The following SH3D19 variants were observed in gnomAD, a reference collection of about 807,000 sequenced individuals.
SH3D19 encodes the protein SH3 domain containing 19.
SH3D19 carries 58 observed loss-of-function variants against 112.1 expected under a neutral mutation model. The ratio of observed to expected loss-of-function variants is 0.52; its 90% CI spans 0.42 to 0.64. SH3D19 has a LOEUF of 0.64. Ranked by LOEUF, SH3D19 falls within the 30% of genes least tolerant of loss-of-function variation. The pLI is 0.00. For missense variants in SH3D19, 1,090 were observed against 1,263.4 expected (o/e 0.86, Z 2.08); for synonymous variants, 391 against 448.5 (o/e 0.87, Z 1.62).
chr4:151,122,833 C>T (rs936924554), intron 19 of SH3D19, among the ~76,000 whole-genome samples: 1 of 150,902 alleles, frequency 6.6e-6, no homozygotes, highest in Non-Finnish European at 1.5e-5. Flanking sequence ...ACTATGTTAT[C>T]CTCATTTTAG....
At chr4:151,237,847 T>C (rs1770249371) in intron 1 of SH3D19, among the ~76,000 whole-genome samples, 1 of 152,216 alleles carries the variant, frequency 6.6e-6, no homozygotes, top group Non-Finnish European at 1.5e-5. Context: ...ATTTTTCTTT[T>C]TTATTACTGG....
rs1464863049 is a variant in SH3D19, at chr4:151,266,730, T to C, written c.113-40644A>G. Among the ~76,000 whole-genome samples the C allele has an allele frequency of 1.8e-4, 28 of 152,168 alleles. 1 individual carries two copies. The highest frequency in any genetic ancestry group is 1.8e-3 in the Admixed American group (28 of 15,278). On this transcript the variant is annotated intron_variant, in intron 1 of 19. Transcript: ENST00000604030. ...ATTACTTGAGTCAAGTCATGTTGCT[T>C]ATGGAAGACCTGCCTAAGTGAATTC...
chr4:151,291,541 TG>T (rs1360264477), intron 1 of SH3D19: 2 of 943,684 alleles, frequency 2.1e-6, no homozygotes, highest in African/African-American at 3.3e-5. Flanking sequence ...TTGGAAGTTT[TG>T]GGGTTGGAAT....
At chr4:151,172,959 C>T (rs1442160866) in intron 7 of SH3D19, among the ~76,000 whole-genome samples, 1 of 152,246 alleles carries the variant, frequency 6.6e-6, no homozygotes, top group Non-Finnish European at 1.5e-5. Context: ...AAATTACACA[C>T]TTTGCTAAAA....
chr4:151,257,893 G>C (rs1371819751), intron 1 of SH3D19, among the ~76,000 whole-genome samples: 5 of 152,144 alleles, frequency 3.3e-5, no homozygotes, highest in Non-Finnish European at 7.4e-5. Context: ...CTAGGTAAGA[G>C]AGTGAGAGTC....
chr4:151,221,904 T>C (rs1768117824), intron 2 of SH3D19, among the ~76,000 whole-genome samples: 1 of 152,214 alleles, frequency 6.6e-6, no homozygotes, highest in South Asian at 2.1e-4. Context: ...CAATGGACCC[T>C]CCTTCAACCT....
intron 1 of SH3D19, among the ~76,000 whole-genome samples, chr4:151,298,945 C>T (rs1728059950): frequency 6.6e-6 from 1 of 152,216 alleles, no homozygotes; most frequent in South Asian, 2.1e-4. Context: ...AAATACCTTA[C>T]ATAAAAAGTT....
chr4:151,131,777 C>T (rs1337000873), intron 17 of SH3D19, among the ~76,000 whole-genome samples: 4 of 150,464 alleles, frequency 2.7e-5, no homozygotes, highest in Non-Finnish European at 5.9e-5. Flanking sequence ...CATGAGCCAC[C>T]GCGCACAGCC....
chr4:151,138,028 G>C (rs1251816548), intron 13 of SH3D19, among the ~76,000 whole-genome samples, 166 bp from the exon 14 acceptor site: 2 of 151,738 alleles, frequency 1.3e-5, no homozygotes, highest in African/African-American at 4.8e-5. Context: ...TCTTTTTTTG[G>C]ACATTGTTAT....
At chr4:151,237,949 C>T (rs1229256916) in intron 1 of SH3D19, among the ~76,000 whole-genome samples, 4 of 152,100 alleles carry the variant, frequency 2.6e-5, no homozygotes, top group Non-Finnish European at 4.4e-5. Context: ...TCTTCCCAGC[C>T]CTTCTGAACC....
At chr4:151,204,807 T>C (rs889790134) in intron 2 of SH3D19, among the ~76,000 whole-genome samples, 1 of 152,220 alleles carries the variant, frequency 6.6e-6, no homozygotes, top group Admixed American at 6.5e-5. Flanking sequence ...ATTTAAATAC[T>C]GAGATCAAGT....
intron 1 of SH3D19, among the ~76,000 whole-genome samples, chr4:151,241,962 G>A (rs1032030108): frequency 2.6e-5 from 4 of 152,106 alleles, no homozygotes; most frequent in Admixed American, 1.3e-4. Flanking sequence ...GGAGGCTGCG[G>A]TGTGAGGATT....
chr4:151,282,079 G>A lies in SH3D19; in HGVS notation c.112+43162C>T, dbSNP rs1774290283. 3.9e-6 allele frequency: 6 copies of A among 1,530,114 alleles called. No homozygotes were observed. The Admixed American group carries it at 5.3e-5, about 13-fold the overall frequency. 94.8% of individuals were successfully genotyped at this position (1,530,114 alleles called of 1,614,324 possible). ...CTCCTTTCTTGAGTAGAGACTTAGT[G>A]CTACATATAGGCAGCCTGTTCTGAC... On this transcript the variant is annotated intron_variant, in intron 1 of 19. Coordinates refer to ENST00000604030, the MANE Select transcript of SH3D19 (RefSeq NM_001378122.1).
chr4:151,256,437 C>T (rs1197720020), intron 1 of SH3D19, among the ~76,000 whole-genome samples: 1 of 152,168 alleles, frequency 6.6e-6, no homozygotes. Flanking sequence ...TTTCAAGTTA[C>T]ATAACAATAA....
chr4:151,191,839 G>T (rs1378309086), intron 2 of SH3D19, among the ~76,000 whole-genome samples: 1 of 151,872 alleles, frequency 6.6e-6, no homozygotes, highest in Non-Finnish European at 1.5e-5. Flanking sequence ...TAGAGATGGG[G>T]TTTCATCATG....
At chr4:151,134,621 C>T (rs1400342569) in intron 15 of SH3D19, among the ~76,000 whole-genome samples, 2 of 152,328 alleles carry the variant, frequency 1.3e-5, no homozygotes, top group African/African-American at 4.8e-5. Context: ...ACTATCTCTG[C>T]TCATGCTGAG....
chr4:151,149,701 A>G lies in SH3D19; in HGVS notation c.1756-140T>C. The G allele has an allele frequency of 7.4e-6, 5 of 676,880 alleles. No homozygotes were observed. The South Asian group carries it at 7.6e-5, about 10-fold the overall frequency. The allele number at this position is 676,880 out of a possible 1,614,324, so 41.9% of individuals were successfully genotyped here. On this transcript the variant is annotated intron_variant, in intron 9 of 19. Transcript: ENST00000604030. ...TAGAAAGTAGCTTAAAAGAGTTTTCAGCCTTAAACAATATTAACCTATTTC... is the reference window on the plus strand; with the variant it reads ...TAGAAAGTAGCTTAAAAGAGTTTTCGGCCTTAAACAATATTAACCTATTTC...
chr4:151,257,033 T>G (rs1771979738), intron 1 of SH3D19, among the ~76,000 whole-genome samples: 2 of 152,278 alleles, frequency 1.3e-5, no homozygotes, highest in South Asian at 4.2e-4. Flanking sequence ...CACAGAGCCT[T>G]CCTGGCCTAA....
In SH3D19 at chr4:151,122,183, C is replaced by A. The variant is rs1339874950; in HGVS notation, c.3052G>T (p.Glu1018Ter). 2 of 1,605,864 alleles carry A rather than the reference C, an allele frequency of 1.2e-6. No homozygotes were observed. Among genetic ancestry groups the A allele is most frequent in the Non-Finnish European group, 1.7e-6 (2 of 1,173,018 alleles). Residue 1018 changes from glutamate (E) to a stop codon, truncating the protein, a stop_gained, in exon 20 of 20, where the codon GAA (glutamate) becomes TAA (stop). Coordinates refer to ENST00000604030, the MANE Select transcript of SH3D19 (RefSeq NM_001378122.1). LOFTEE classifies it high-confidence loss of function. ...CTCATCCAGTCATCATCTACAGATT[C>A]CAGCTCTGTTATTATATCTCCAGCC... is the stretch of plus-strand genomic sequence containing the variant. ...FKAGDIITEL[E>*]SVDDDWMSGE...
Sources: allele counts gnomAD v4.1 joint callset (sites outside exome capture counted in the v4.1 genomes callset), GRCh38; gene constraint gnomAD v4.1.1; transcripts MANE v1.5; gene names NCBI Gene and HGNC (gene_info 2026-07-23, HGNC 2026-07-21).